Variants in DNAJC6 observed in about 807,000 individuals in gnomAD.
DNAJC6 encodes the protein DnaJ heat shock protein family (Hsp40) member C6.
In DNAJC6, 34 loss-of-function variants were observed where a neutral mutation model predicts 110.0. That is an observed-to-expected ratio of 0.31 (90% CI 0.24 to 0.41). The LOEUF (loss-of-function observed/expected upper bound fraction) is 0.41. Ranked by LOEUF, DNAJC6 falls within the 10% of genes least tolerant of loss-of-function variation. The pLI is 1.00. For synonymous variants in DNAJC6, 406 were observed against 437.2 expected (o/e 0.93, Z 0.89); for missense variants, 1,031 against 1,207.8 (o/e 0.85, Z 2.17).
At chr1:65,383,825 A>G (rs1645845217) in intron 5 of DNAJC6, among the ~76,000 whole-genome samples, 1 of 152,204 alleles carries the variant, frequency 6.6e-6, no homozygotes, top group Non-Finnish European at 1.5e-5. Context: ...CCATATCCCA[A>G]CAAGCAGCAT....
chr1:65,310,007 C>G, intron 1 of DNAJC6, 69 bp downstream of exon 1: 10 of 1,375,802 alleles, frequency 7.3e-6, no homozygotes, highest in Non-Finnish European at 9.4e-6. Flanking sequence ...GTCGCCCGGC[C>G]CGAGGCCCCC....
Position 65,379,281 on chromosome 1 carries a change from T to C in DNAJC6, c.544-121T>C, listed in dbSNP as rs549411783. On this transcript the variant is annotated intron_variant, in intron 4 of 18. Coordinates refer to ENST00000371069, the MANE Select transcript of DNAJC6 (RefSeq NM_001256864.2). ...ATGCATTTGGACCCTGTTCCCACTA[T>C]TCCTATCTATATTAAGAGAGGATGT... The C allele has an allele frequency of 1.3e-3, 1,624 of 1,248,146 alleles. 23 individuals are homozygous for C. The highest frequency in any genetic ancestry group is 0.013 in the South Asian group (825 of 64,772). 77.3% of individuals were successfully genotyped at this position (1,248,146 alleles called of 1,614,324 possible). A position where few individuals can be genotyped will look rare whatever the true frequency, so the allele number is the denominator to read the frequency against.
intron 14 of DNAJC6, among the ~76,000 whole-genome samples, chr1:65,400,963 C>T (rs538580452): frequency 6.6e-6 from 1 of 152,210 alleles, no homozygotes; most frequent in East Asian, 1.9e-4. Context: ...GTCCTTTTTT[C>T]TCTACATCCT....
intron 1 of DNAJC6, among the ~76,000 whole-genome samples, chr1:65,284,339 C>G (rs1450928356): frequency 1.3e-5 from 2 of 152,210 alleles, no homozygotes; most frequent in African/African-American, 4.8e-5. Flanking sequence ...CAGAAGCCAA[C>G]TCCTCATGTG....
chr1:65,327,238 A>G lies in DNAJC6; in HGVS notation c.193+17300A>G, dbSNP rs556523478. 1.6e-4 allele frequency among the ~76,000 whole-genome samples: 25 copies of G among 152,338 alleles called. No individual in the cohort carries two copies. In the East Asian group the frequency reaches 4.8e-3, roughly 29 times the overall value. On this transcript the variant is annotated intron_variant, in intron 1 of 18. Transcript: ENST00000371069. ...TAACAGTGAGCAGTTGAGTACCTGC[A>G]TATGCCAGTACTTCATTCATTCGTT...
chr1:65,403,626 T>C (rs1237604769), intron 15 of DNAJC6, among the ~76,000 whole-genome samples: 1 of 152,234 alleles, frequency 6.6e-6, no homozygotes, highest in East Asian at 1.9e-4. Flanking sequence ...GGAGCATTTT[T>C]TAAAAAGCTC....
intron 1 of DNAJC6, among the ~76,000 whole-genome samples, chr1:65,311,007 A>G (rs528743116): frequency 2.0e-5 from 3 of 152,218 alleles, no homozygotes; most frequent in African/African-American, 7.2e-5. Context: ...TAATTGTGTA[A>G]TGGCTGTCCT....
At chr1:65,302,082 T>C (rs1179228703) in intron 1 of DNAJC6, among the ~76,000 whole-genome samples, 1 of 56,878 alleles carries the variant, frequency 1.8e-5, no homozygotes, top group Non-Finnish European at 2.8e-5. Flanking sequence ...TAATACGTAT[T>C]ATATATATTA....
At chr1:65,388,553 C>A in intron 9 of DNAJC6, 138 bp downstream of exon 9, 1 of 747,738 alleles carries the variant, frequency 1.3e-6, no homozygotes, top group Non-Finnish European at 2.3e-6. Context: ...CACAGAGAGG[C>A]TGTGGGCATT....
At chr1:65,328,964 G>A (rs536786956) in intron 1 of DNAJC6, among the ~76,000 whole-genome samples, 1 of 152,300 alleles carries the variant, frequency 6.6e-6, no homozygotes, top group Admixed American at 6.5e-5. Context: ...TGGGTCAGGT[G>A]CTTCTTTGTG....
chr1:65,301,324 T>C (rs1447782073), intron 1 of DNAJC6, among the ~76,000 whole-genome samples: 3 of 151,210 alleles, frequency 2.0e-5, no homozygotes, highest in South Asian at 2.1e-4. Flanking sequence ...AATGGGCACT[T>C]CCCCCCCCAC....
intron 5 of DNAJC6, among the ~76,000 whole-genome samples, chr1:65,380,646 C>T (rs1379705104): frequency 6.6e-6 from 1 of 152,120 alleles, no homozygotes; most frequent in Non-Finnish European, 1.5e-5. Flanking sequence ...CAAGAATTTG[C>T]TGTAAGTTCA....
At chr1:65,358,120 A>G (rs1164082938) in intron 1 of DNAJC6, among the ~76,000 whole-genome samples, 3 of 144,142 alleles carry the variant, frequency 2.1e-5, no homozygotes. Context: ...CAGAGGTTGC[A>G]GTGAGCTGAG....
At chr1:65,379,575 G>A (rs1246283205) in intron 5 of DNAJC6, 51 bp downstream of exon 5, 2 of 1,608,424 alleles carry the variant, frequency 1.2e-6, no homozygotes, top group East Asian at 2.2e-5. Flanking sequence ...GTCAAATATG[G>A]ATGAGCCTGT....
chr1:65,364,577 T>C, intron 1 of DNAJC6, 58 bp from the exon 2 acceptor site: 1 of 1,554,338 alleles, frequency 6.4e-7, no homozygotes, highest in Non-Finnish European at 8.6e-7. Context: ...GGATTGGTTT[T>C]CCGTGGATTC....
intron 4 of DNAJC6, among the ~76,000 whole-genome samples, chr1:65,378,724 G>A (rs1645790380): frequency 6.6e-6 from 1 of 152,238 alleles, no homozygotes; most frequent in Non-Finnish European, 1.5e-5. Flanking sequence ...ACGCTGAGCA[G>A]CAGTGTGACT....
At chr1:65,299,501 G>A (rs10399621) in intron 1 of DNAJC6, among the ~76,000 whole-genome samples, 8,683 of 152,244 alleles carry the variant, frequency 0.057, 302 homozygotes, top group Non-Finnish European at 0.079. Flanking sequence ...AGTGATCACT[G>A]GCTTTGGAGT....
chr1:65,323,806 G>A (rs1645216999), intron 1 of DNAJC6, among the ~76,000 whole-genome samples: 1 of 152,060 alleles, frequency 6.6e-6, no homozygotes, highest in Non-Finnish European at 1.5e-5. Context: ...GCCCAGGTTG[G>A]TCTCAACCTC....
chr1:65,396,607 T>G (rs1428231897), intron 13 of DNAJC6, among the ~76,000 whole-genome samples: 1 of 152,180 alleles, frequency 6.6e-6, no homozygotes, highest in Non-Finnish European at 1.5e-5. Context: ...CTACTCTGAT[T>G]CCTCCGTTTC....
Sources: allele counts gnomAD v4.1 joint callset (sites outside exome capture counted in the v4.1 genomes callset), GRCh38; gene constraint gnomAD v4.1.1; transcripts MANE v1.5; gene names NCBI Gene and HGNC (gene_info 2026-07-23, HGNC 2026-07-21).